Variants in NRL observed in about 807,000 individuals in gnomAD.
The protein encoded by NRL is neural retina leucine zipper, also known as neural retina-specific leucine zipper protein.
NRL carries 16 observed loss-of-function variants against 12.5 expected under a neutral mutation model. The observed-to-expected ratio is 1.28, with a 90% CI of 0.87 to 1.95. The LOEUF (loss-of-function observed/expected upper bound fraction) is 1.95. NRL is among the 30% of genes most tolerant of loss of function. The pLI, the probability that NRL is intolerant of heterozygous loss-of-function variation, is 0.00. For missense variants in NRL, 314 were observed against 325.8 expected, an observed-to-expected ratio of 0.96 and a Z score of 0.28; for synonymous variants, 142 against 150.9, an observed-to-expected ratio of 0.94 and a Z score of 0.43.
At chr14:24,102,874 TG>T in intron 1 of NRL, 1 of 1,613,868 alleles carries the variant, frequency 6.2e-7, no homozygotes, top group Non-Finnish European at 8.5e-7. Flanking sequence ...TCATCTTTGG[TG>T]GCCGCAGACC....
chr14:24,108,498 ATTT>A (rs751345042), intron 1 of NRL, among the ~76,000 whole-genome samples: 2 of 140,356 alleles, frequency 1.4e-5, no homozygotes, highest in Non-Finnish European at 3.1e-5. Flanking sequence ...CACCTGGCTA[ATTT>A]TTTTTTTTTT....
chr14:24,093,504 C>T (rs2036705476), intron 1 of NRL: 1 of 152,240 alleles, frequency 6.6e-6, no homozygotes, highest in Admixed American at 6.5e-5. Flanking sequence ...ATGGAGAAAC[C>T]CCGTCTTTAC....
chr14:24,107,609 C>T (rs2037358644), intron 1 of NRL, among the ~76,000 whole-genome samples: 1 of 152,050 alleles, frequency 6.6e-6, no homozygotes, highest in African/African-American at 2.4e-5. Context: ...TTTAGCTTTG[C>T]TCCCATTTAA....
At chr14:24,103,069 G>A in intron 1 of NRL, 1 of 1,236,212 alleles carries the variant, frequency 8.1e-7, no homozygotes, top group Non-Finnish European at 1.2e-6. Flanking sequence ...CGAGGTCTTA[G>A]GAGAGAGAGT....
rs141936878 is a variant in NRL, at chr14:24,103,543, G to A, written c.-28+11179C>T. 104 of 1,564,192 alleles carry A rather than the reference G, an allele frequency of 6.6e-5. No individual in the cohort carries two copies. The African/African-American group carries it at 9.5e-4, about 14-fold the overall frequency. On this transcript the variant is annotated intron_variant, in intron 1 of 2. Coordinates refer to ENST00000561028, the MANE Select transcript of NRL (RefSeq NM_001354768.3). Reference sequence around the variant, plus strand: ...ATCATGCACGACCCATTTGCCATGCGGCCCTTTTTTGGCTACAACTTCGGG... The same window carrying A: ...ATCATGCACGACCCATTTGCCATGCAGCCCTTTTTTGGCTACAACTTCGGG...
chr14:24,082,736 G>A lies in NRL; in HGVS notation c.113C>T (p.Ser38Leu). ...SEGRPGPPTA[S>L]LGSTPYSSVP... ...TGAGCTGTAAGGTGTGGAGCCCAGT[G>A]AGGCTGTAGGGGGGCCAGGTCGGCC... Residue 38 changes from serine (S) to leucine (L), a missense_variant, in exon 2 of 3, where the codon TCA becomes TTA. Transcript: ENST00000561028. The A allele has an allele frequency of 6.2e-7, 1 of 1,614,224 alleles. No homozygotes were observed. Among genetic ancestry groups the A allele is most frequent in the Non-Finnish European group, 8.5e-7 (1 of 1,180,040 alleles).
intron 1 of NRL, chr14:24,098,133 T>C: frequency 7.2e-7 from 1 of 1,380,536 alleles, no homozygotes; most frequent in East Asian, 2.4e-5. Context: ...AAGTTGGACT[T>C]GAAAAAGTGG....
At chr14:24,092,961 GCTCAGCAA>G (rs2138910285) in intron 1 of NRL, among the ~76,000 whole-genome samples, 1 of 152,318 alleles carries the variant, frequency 6.6e-6, no homozygotes, top group East Asian at 1.9e-4. Context: ...TATTCTACCA[GCTCAGCAA>G]CTCAGCAGAA....
In NRL at chr14:24,081,756, C is replaced by A; in HGVS notation, c.382-188G>T. On this transcript the variant is annotated intron_variant, in intron 2 of 2. Transcript: ENST00000561028. The surrounding 1 kb of genome is among the most constrained non-coding windows in gnomAD (Gnocchi z 4.4). Reference sequence around the variant, plus strand: ...CCCCAGGCCCCGACGCTCCCCGGGCCCCCCAGCTGACCGTTGCTCCAGTCA... The same window carrying A: ...CCCCAGGCCCCGACGCTCCCCGGGCACCCCAGCTGACCGTTGCTCCAGTCA... The A allele has an allele frequency of 6.6e-7, 1 of 1,521,476 alleles. No homozygotes were observed. Among genetic ancestry groups the A allele is most frequent in the African/African-American group, 1.4e-5 (1 of 72,334 alleles). 94.2% of individuals were successfully genotyped at this position (1,521,476 alleles called of 1,614,324 possible).
chr14:24,101,536 C>T (rs1350014049), intron 1 of NRL, among the ~76,000 whole-genome samples: 1 of 152,240 alleles, frequency 6.6e-6, no homozygotes, highest in Non-Finnish European at 1.5e-5. Context: ...GTTATCCCTA[C>T]CCATGTGATA....
chr14:24,093,758 T>C (rs1053069348), intron 1 of NRL, among the ~76,000 whole-genome samples: 2 of 151,962 alleles, frequency 1.3e-5, no homozygotes, highest in Admixed American at 6.6e-5. Flanking sequence ...GTAGAGAGAC[T>C]CCACCATTTC....
chr14:24,099,488 C>T lies in NRL; in HGVS notation c.-28+15234G>A, dbSNP rs1262425091. On this transcript the variant is annotated intron_variant, in intron 1 of 2. Transcript: ENST00000561028. ...GTCCTCCCTATTAGACCCTAGCTGCCCTTCCCCATGCAGACCATGCCCTGA... is the reference window on the plus strand; with the variant it reads ...GTCCTCCCTATTAGACCCTAGCTGCTCTTCCCCATGCAGACCATGCCCTGA... The T allele has an allele frequency of 4.2e-6, 6 of 1,420,332 alleles. No homozygotes were observed. In the East Asian group the frequency reaches 1.4e-4, roughly 32 times the overall value. 88.0% of individuals were successfully genotyped at this position (1,420,332 alleles called of 1,614,324 possible).
chr14:24,093,666 G>C (rs996856869), intron 1 of NRL, among the ~76,000 whole-genome samples: 5 of 152,200 alleles, frequency 3.3e-5, no homozygotes, highest in Non-Finnish European at 5.9e-5. Flanking sequence ...CTGGGTGACA[G>C]AGTAAGACTC....
chr14:24,081,637 G>T lies in NRL; in HGVS notation c.382-69C>A, dbSNP rs2036308490. On this transcript the variant is annotated intron_variant, in intron 2 of 2. Coordinates refer to ENST00000561028, the MANE Select transcript of NRL (RefSeq NM_001354768.3). The surrounding 1 kb of genome is among the most constrained non-coding windows in gnomAD (Gnocchi z 4.4). The stretch of plus-strand genomic sequence containing the variant: ...CCCGGCTCTGCCCTGAGGGCCCGAC[G>T]CTACCTGGCTCCGCCCCGGGACAGC... The T allele has an allele frequency of 1.3e-6, 2 of 1,539,714 alleles. No individual in the cohort carries two copies. Among genetic ancestry groups the T allele is most frequent in the Non-Finnish European group, 1.8e-6 (2 of 1,142,202 alleles).
chr14:24,108,111 A>G (rs536307438), intron 1 of NRL, among the ~76,000 whole-genome samples: 9 of 152,304 alleles, frequency 5.9e-5, no homozygotes, highest in Admixed American at 2.0e-4. Flanking sequence ...ATCTGGTATA[A>G]GTTGCTCCAT....
chr14:24,099,634 A>G lies in NRL; in HGVS notation c.-28+15088T>C. On this transcript the variant is annotated intron_variant, in intron 1 of 2. Coordinates refer to ENST00000561028, the MANE Select transcript of NRL (RefSeq NM_001354768.3). ...TTCCCTAGTGCCTGTGGCAAGACCA[A>G]CCTGGCTATGATGCGGCCTGCACTG... 3 of 1,613,878 alleles carry G rather than the reference A, an allele frequency of 1.9e-6. No homozygotes were observed. The South Asian group carries it at 3.3e-5, about 18-fold the overall frequency.
At chr14:24,101,085 A>C (rs1181455945) in intron 1 of NRL, among the ~76,000 whole-genome samples, 3 of 152,012 alleles carry the variant, frequency 2.0e-5, no homozygotes, top group Admixed American at 2.0e-4. Context: ...TGCTTCATCT[A>C]ATCACCCTTT....
At chr14:24,095,574 A>G (rs1159619506) in intron 1 of NRL, among the ~76,000 whole-genome samples, 2 of 151,952 alleles carry the variant, frequency 1.3e-5, no homozygotes, top group Non-Finnish European at 1.5e-5. Flanking sequence ...CACCAACACC[A>G]AAGCTCTCTA....
chr14:24,082,352 C>T, intron 2 of NRL, 116 bp downstream of exon 2: 1 of 1,321,578 alleles, frequency 7.6e-7, no homozygotes, highest in South Asian at 1.2e-5. Context: ...CTCCCCTTCT[C>T]CTGCCCTCTG....
Sources: gnomAD v4.1 joint callset for allele counts (sites outside exome capture counted in the v4.1 genomes callset) on GRCh38, gnomAD v4.1.1 for gene constraint, Gnocchi (gnomAD v3.1) non-coding constraint, MANE v1.5 for transcripts, NCBI Gene and HGNC (gene_info 2026-07-23, HGNC 2026-07-21) for gene names.